Variants in PLAA observed in about 807,000 individuals in gnomAD.
The protein encoded by PLAA is phospholipase A2 activating protein, also known as phospholipase A-2-activating protein.
PLAA carries 48 observed loss-of-function variants against 84.1 expected under a neutral mutation model. The ratio of observed to expected loss-of-function variants is 0.57; its 90% CI spans 0.45 to 0.73. The LOEUF (loss-of-function observed/expected upper bound fraction) is 0.73. PLAA is among the 30% of genes least tolerant of loss of function. PLAA has a pLI of 0.00. For missense variants in PLAA, 903 were observed against 954.7 expected, an observed-to-expected ratio of 0.95 and a Z score of 0.71; for synonymous variants, 392 against 336.6, an observed-to-expected ratio of 1.16 and a Z score of -1.80.
At chr9:26,929,621 G>A (rs538733317) in intron 2 of PLAA, among the ~76,000 whole-genome samples, 1 of 152,182 alleles carries the variant, frequency 6.6e-6, no homozygotes, top group South Asian at 2.1e-4. Context: ...ACCCTGAGCT[G>A]AGGATCCTTG....
intron 7 of PLAA, among the ~76,000 whole-genome samples, chr9:26,920,940 T>C (rs2131382470): frequency 1.3e-5 from 2 of 152,222 alleles, no homozygotes; most frequent in South Asian, 4.1e-4. Flanking sequence ...CAGTGTATAT[T>C]CCACCCAGCA....
At chr9:26,925,353 T>C (rs1409685433) in intron 6 of PLAA, among the ~76,000 whole-genome samples, 1 of 152,234 alleles carries the variant, frequency 6.6e-6, no homozygotes, top group African/African-American at 2.4e-5. Context: ...TAAGCCCCAT[T>C]GTACCTATTA....
intron 6 of PLAA, 37 bp from the exon 7 acceptor site, chr9:26,923,384 C>T (rs1371007640): frequency 7.0e-7 from 1 of 1,422,490 alleles, no homozygotes; most frequent in Non-Finnish European, 9.8e-7. Context: ...GAAGTCATTG[C>T]CATAATACAT....
rs562410868 is a variant in PLAA, at chr9:26,915,105, G to A, written c.1487-1158C>T. ...CACATGCCTGTAATCCTGGCTACTC[G>A]GGAGGCTGAGGCAGGAGAATTGCTT... On this transcript the variant is annotated intron_variant, in intron 10 of 13. Transcript: ENST00000397292. Among the ~76,000 whole-genome samples, 113 of 152,076 alleles carry A rather than the reference G, an allele frequency of 7.4e-4. 1 individual carries two copies. The highest frequency in any genetic ancestry group is 2.5e-3 in the African/African-American group (102 of 41,466).
At chr9:26,932,945 G>A (rs2042965902) in intron 2 of PLAA, among the ~76,000 whole-genome samples, 1 of 152,030 alleles carries the variant, frequency 6.6e-6, no homozygotes, top group Non-Finnish European at 1.5e-5. Flanking sequence ...GACCAGCCTG[G>A]CCAACATGGT....
intron 10 of PLAA, chr9:26,916,778 G>C (rs1174699867): frequency 7.7e-6 from 5 of 646,776 alleles, no homozygotes; most frequent in Non-Finnish European, 3.9e-6. Flanking sequence ...CAAGTAAGTG[G>C]TAGAGCCCAA....
chr9:26,915,681 T>C, intron 10 of PLAA: 1 of 982,544 alleles, frequency 1.0e-6, no homozygotes, highest in South Asian at 4.7e-5. Flanking sequence ...CCTGATACCC[T>C]AATTCTCTTG....
In PLAA at chr9:26,927,127, C is replaced by CTTTTTTTTTTTTTTTTTTTTTTTTT. The variant is rs10672584; in HGVS notation, c.566-568_566-567insAAAAAAAAAAAAAAAAAAAAAAAAA. Reference sequence around the variant, plus strand: ...ATCAAAAGATACTTTTTTTGTTTTTCTTTTTTTTTTTGAGATGGAGTCTCA... The same window carrying CTTTTTTTTTTTTTTTTTTTTTTTTT: ...ATCAAAAGATACTTTTTTTGTTTTTCTTTTTTTTTTTTTTTTTTTTTTTTTTTTTTTTTTTTGAGATGGAGTCTCA... On this transcript the variant is annotated intron_variant, in intron 4 of 13. Coordinates refer to ENST00000397292, the MANE Select transcript of PLAA (RefSeq NM_001031689.3). 6.6e-5 allele frequency among the ~76,000 whole-genome samples: 9 copies of CTTTTTTTTTTTTTTTTTTTTTTTTT among 136,768 alleles called. No individual in the cohort carries two copies. In the East Asian group the frequency reaches 1.2e-3, roughly 18 times the overall value. 89.7% of individuals were successfully genotyped at this position (136,768 alleles called of 152,430 possible).
intron 10 of PLAA, among the ~76,000 whole-genome samples, chr9:26,915,055 A>C (rs979960321): frequency 2.6e-5 from 4 of 152,326 alleles, no homozygotes; most frequent in Admixed American, 2.6e-4. Flanking sequence ...TCTACTAAAA[A>C]TACAAAATTA....
chr9:26,933,265 TA>T (rs11299663), intron 2 of PLAA, among the ~76,000 whole-genome samples: 13,797 of 137,046 alleles, frequency 0.1, 1,370 homozygotes, highest in East Asian at 0.57. Context: ...AGACTCTGTC[TA>T]AAAAAAAAAA....
At chr9:26,928,763 CTG>C (rs1473768899) in intron 2 of PLAA, among the ~76,000 whole-genome samples, 1 of 152,234 alleles carries the variant, frequency 6.6e-6, no homozygotes, top group Non-Finnish European at 1.5e-5. Context: ...TTTTGAAACA[CTG>C]TTTATATAAA....
At chr9:26,907,493 T>A (rs1406609487) in intron 13 of PLAA, 1 of 190,896 alleles carries the variant, frequency 5.2e-6, no homozygotes, top group Non-Finnish European at 1.1e-5. Context: ...TGAGCCGAGA[T>A]CACGCCACTG....
At chr9:26,924,586 T>C (rs1295188138) in intron 6 of PLAA, among the ~76,000 whole-genome samples, 1 of 152,210 alleles carries the variant, frequency 6.6e-6, no homozygotes, top group South Asian at 2.1e-4. Context: ...ATAACATCTT[T>C]CAAACCAAAT....
At chr9:26,920,550 A>G (rs1233635779) in intron 7 of PLAA, among the ~76,000 whole-genome samples, 166 bp from the exon 8 acceptor site, 2 of 152,230 alleles carry the variant, frequency 1.3e-5, no homozygotes, top group Non-Finnish European at 2.9e-5. Context: ...CCAAAAGAAA[A>G]TAACAGTTAA....
At chr9:26,908,128 C>A in intron 12 of PLAA, 130 bp from the exon 13 acceptor site, 7 of 557,200 alleles carry the variant, frequency 1.3e-5, no homozygotes, top group Non-Finnish European at 2.2e-5. Flanking sequence ...CAGCAATTAT[C>A]AAACACCATA....
chr9:26,908,838 C>A (rs1436406742), intron 12 of PLAA, among the ~76,000 whole-genome samples: 1 of 152,152 alleles, frequency 6.6e-6, no homozygotes, highest in Non-Finnish European at 1.5e-5. Context: ...AGTCAATAAC[C>A]TAGTTTCTCC....
intron 2 of PLAA, 85 bp downstream of exon 2, chr9:26,934,928 A>G (rs1184215675): frequency 2.9e-6 from 3 of 1,041,164 alleles, no homozygotes; most frequent in Non-Finnish European, 4.2e-6. Flanking sequence ...AATATAATAA[A>G]AACTTGAGAA....
At chr9:26,926,755 T>C (rs931482533) in intron 4 of PLAA, among the ~76,000 whole-genome samples, 195 bp from the exon 5 acceptor site, 2 of 152,158 alleles carry the variant, frequency 1.3e-5, no homozygotes, top group Admixed American at 1.3e-4. Flanking sequence ...TTATCACCAG[T>C]CTTCAGAAGT....
chr9:26,934,897 C>T (rs78658575), intron 2 of PLAA, 116 bp downstream of exon 2: 35,981 of 753,948 alleles, frequency 0.048, 1,108 homozygotes, highest in South Asian at 0.094. Flanking sequence ...CATTACCAAA[C>T]CACAGATATA....
Sources: allele counts gnomAD v4.1 joint callset (sites outside exome capture counted in the v4.1 genomes callset), GRCh38; gene constraint gnomAD v4.1.1; transcripts MANE v1.5; gene names NCBI Gene and HGNC (gene_info 2026-07-23, HGNC 2026-07-21).